TENM4: variants seen among roughly 807,000 people sequenced by gnomAD.
The protein encoded by TENM4 is teneurin transmembrane protein 4, also known as teneurin-4.
TENM4 carries 82 observed loss-of-function variants against 243.3 expected under a neutral mutation model. The observed-to-expected ratio is 0.34, with a 90% CI of 0.28 to 0.40. The LOEUF is 0.40. TENM4 is among the 10% of genes least tolerant of loss of function. The pLI, the probability that TENM4 is intolerant of heterozygous loss-of-function variation, is 1.00. For missense variants in TENM4, 3,138 were observed against 3,673.3 expected (o/e 0.85, Z 3.77); for synonymous variants, 1,412 against 1,456.3 (o/e 0.97, Z 0.69).
chr11:78,975,339 G>GAA (rs1857630075), intron 6 of TENM4, among the ~76,000 whole-genome samples: 1 of 152,030 alleles, frequency 6.6e-6, no homozygotes, highest in Non-Finnish European at 1.5e-5. Context: ...TGGGCTGATG[G>GAA]AAAGGCCAGT....
At chr11:79,087,483 G>C (rs1031318727) in intron 4 of TENM4, among the ~76,000 whole-genome samples, 6 of 152,192 alleles carry the variant, frequency 3.9e-5, no homozygotes, top group African/African-American at 9.7e-5. Flanking sequence ...ATCAGAGATC[G>C]CTGTTAGCAC....
chr11:78,672,991 A>G (rs181371671), intron 30 of TENM4, among the ~76,000 whole-genome samples: 109 of 152,034 alleles, frequency 7.2e-4, no homozygotes, highest in African/African-American at 2.2e-3. Flanking sequence ...TTCTTCCCAG[A>G]GGTGCTGGGA....
At chr11:79,161,416 G>A (rs1862743914) in intron 3 of TENM4, among the ~76,000 whole-genome samples, 1 of 152,212 alleles carries the variant, frequency 6.6e-6, no homozygotes, top group Non-Finnish European at 1.5e-5. Context: ...TTTTGCAGAT[G>A]TAATTAAAAG....
chr11:79,172,835 T>C (rs972919009), intron 3 of TENM4, among the ~76,000 whole-genome samples: 1 of 152,062 alleles, frequency 6.6e-6, no homozygotes, highest in Non-Finnish European at 1.5e-5. Context: ...GAGACGGAGT[T>C]TCTCCGTGTT....
At chr11:78,942,996 A>G (rs377032058) in intron 6 of TENM4, among the ~76,000 whole-genome samples, 1 of 152,172 alleles carries the variant, frequency 6.6e-6, no homozygotes, top group Non-Finnish European at 1.5e-5. Context: ...TTTCAAATCC[A>G]ATGAAACTCT....
rs1859335754 is a variant in TENM4 at position 79,438,889 on chromosome 11, C to T, written c.-321+1620G>A. The T allele has an allele frequency of 6.6e-6, 1 of 152,122 alleles. No homozygotes were observed. The highest frequency in any genetic ancestry group is 2.1e-4 in the South Asian group (1 of 4,818). 9.4% of individuals were successfully genotyped at this position (152,122 alleles called of 1,614,324 possible). A position where few individuals can be genotyped will look rare whatever the true frequency, so the allele number is the denominator to read the frequency against. On this transcript the variant is annotated intron_variant, in intron 1 of 33. Transcript: ENST00000278550. This position sits in a 1 kb window ranked among gnomAD's most constrained non-coding sequence, Gnocchi z 4.1. Reference sequence around the variant, plus strand: ...AGCAGCATCAGCACCCGACGCCCATCGCACAAGTGGGCGCCGTGGTGCGAG... The same window carrying T: ...AGCAGCATCAGCACCCGACGCCCATTGCACAAGTGGGCGCCGTGGTGCGAG...
chr11:79,358,953 T>C (rs1857544480), intron 1 of TENM4, among the ~76,000 whole-genome samples: 1 of 56,684 alleles, frequency 1.8e-5, no homozygotes, highest in Admixed American at 1.4e-4. Context: ...AAAAGGCATT[T>C]TTTTTTTTTT....
chr11:79,154,710 T>C (rs1449595752), intron 3 of TENM4, among the ~76,000 whole-genome samples: 1 of 152,040 alleles, frequency 6.6e-6, no homozygotes. Context: ...GCAGGAGAGC[T>C]CCTTGGCCCC....
chr11:78,895,204 C>CGGGTGCCTAGCTGG (rs1855763994), intron 7 of TENM4, among the ~76,000 whole-genome samples: 1 of 151,628 alleles, frequency 6.6e-6, no homozygotes, highest in East Asian at 1.9e-4. Flanking sequence ...GGCACGGTGG[C>CGGGTGCCTAGCTGG]GGGTGCCTGT....
chr11:78,788,554 G>A (rs1856986233), intron 15 of TENM4, among the ~76,000 whole-genome samples: 1 of 152,250 alleles, frequency 6.6e-6, no homozygotes, highest in Admixed American at 6.5e-5. Flanking sequence ...ACAGTTCCTT[G>A]TCTGGAGAGT....
intron 2 of TENM4, among the ~76,000 whole-genome samples, chr11:79,247,143 G>A (rs1275457770): frequency 2.0e-5 from 3 of 151,894 alleles, no homozygotes; most frequent in African/African-American, 7.2e-5. Context: ...CTGGCCAGGT[G>A]CGGTGTCTCA....
chr11:78,704,832 C>T (rs1039607561), intron 27 of TENM4, among the ~76,000 whole-genome samples: 1 of 152,246 alleles, frequency 6.6e-6, no homozygotes, highest in Non-Finnish European at 1.5e-5. Context: ...ATTATATACA[C>T]ACGAGTGAGG....
intron 1 of TENM4, among the ~76,000 whole-genome samples, chr11:79,380,871 G>A (rs984592381): frequency 2.0e-5 from 3 of 152,314 alleles, no homozygotes; most frequent in South Asian, 2.1e-4. Context: ...AAGGAAGATC[G>A]AAGAATAGAG....
intron 3 of TENM4, among the ~76,000 whole-genome samples, chr11:79,155,661 T>C (rs1330736094): frequency 8.0e-6 from 1 of 125,130 alleles, no homozygotes; most frequent in African/African-American, 3.0e-5. Flanking sequence ...CTCCCTTCCT[T>C]TTTACCTTCC....
chr11:79,202,505 C>T (rs114549483), intron 3 of TENM4, among the ~76,000 whole-genome samples: 1 of 152,226 alleles, frequency 6.6e-6, no homozygotes, highest in African/African-American at 2.4e-5. Flanking sequence ...AATAAACTCA[C>T]ATAGTTCAGA....
intron 4 of TENM4, among the ~76,000 whole-genome samples, chr11:79,078,159 C>T (rs1016127476): frequency 2.6e-5 from 4 of 152,170 alleles, no homozygotes; most frequent in Non-Finnish European, 5.9e-5. Flanking sequence ...GTTATCACCC[C>T]GGGTTACCTC....
intron 1 of TENM4, among the ~76,000 whole-genome samples, chr11:79,326,748 C>T (rs1024718361): frequency 6.6e-6 from 1 of 152,182 alleles, no homozygotes; most frequent in Non-Finnish European, 1.5e-5. Flanking sequence ...GTCTCTTTGT[C>T]CCGTTCCCTA....
At chr11:78,826,970 C>T (rs1197081512) in intron 12 of TENM4, among the ~76,000 whole-genome samples, 1 of 152,176 alleles carries the variant, frequency 6.6e-6, no homozygotes, top group Non-Finnish European at 1.5e-5. Flanking sequence ...CCACCCAGGC[C>T]TGGAGCAGTG....
chr11:78,927,214 T>C lies in TENM4; in HGVS notation c.494-23691A>G, dbSNP rs1040178909. 5.3e-5 allele frequency among the ~76,000 whole-genome samples: 8 copies of C among 152,376 alleles called. No homozygotes were observed. The East Asian group carries it at 7.7e-4, about 15-fold the overall frequency. ...CTGATTCAATGTTAAAATAGTTTGC[T>C]AGCTGCTGTGTGCCATTTTTTAACT... On this transcript the variant is annotated intron_variant, in intron 6 of 33. Transcript: ENST00000278550.
Sources: allele counts gnomAD v4.1 joint callset (sites outside exome capture counted in the v4.1 genomes callset), GRCh38; gene constraint gnomAD v4.1.1; non-coding constraint Gnocchi (gnomAD v3.1); transcripts MANE v1.5; gene names NCBI Gene and HGNC (gene_info 2026-07-23, HGNC 2026-07-21).